CLGN: variants seen among roughly 807,000 people sequenced by gnomAD.
CLGN encodes the protein testis tissue sperm-binding protein Li 79P.
In CLGN, 62 loss-of-function variants were observed where a neutral mutation model predicts 79.1. That is an observed-to-expected ratio of 0.78 (90% CI 0.64 to 0.97). The LOEUF is 0.97. CLGN is among the 50% of genes least tolerant of loss of function. The pLI, the probability that CLGN is intolerant of heterozygous loss-of-function variation, is 0.00. For synonymous variants in CLGN, 225 were observed against 224.7 expected, an observed-to-expected ratio of 1.00 and a Z score of -0.01; for missense variants, 647 against 715.5, an observed-to-expected ratio of 0.90 and a Z score of 1.09.
Position 140,399,003 on chromosome 4 carries a change from A to G in CLGN, c.732T>C (p.Asp244=). The change falls in exon 8 of 15, where the codon GAT becomes GAC. Residue 244 remains aspartate (D), a synonymous_variant. Transcript: ENST00000325617. ...GGCTTCCTTTGTTTACAACTGTTTG[A>G]TCAACTAACACCTCAAATGTGTCAT... ...NPDDTFEVLV[D]QTVVNKGSLL... is the part of the protein sequence containing the mutation. 1 of 1,613,732 alleles carries G rather than the reference A, an allele frequency of 6.2e-7. No individual in the cohort carries two copies. Among genetic ancestry groups the G allele is most frequent in the Non-Finnish European group, 8.5e-7 (1 of 1,179,860 alleles).
intron 5 of CLGN, among the ~76,000 whole-genome samples, chr4:140,403,374 G>C (rs1158250951): frequency 6.6e-6 from 1 of 152,126 alleles, no homozygotes; most frequent in African/African-American, 2.4e-5. Context: ...TGCTCAAAAT[G>C]CTTCTATGAT....
chr4:140,405,953 G>C lies in CLGN; in HGVS notation c.408C>G (p.Pro136=). 6.2e-7 allele frequency: 1 copy of C among 1,610,392 alleles called. No individual in the cohort carries two copies. The highest frequency in any genetic ancestry group is 8.5e-7 in the Non-Finnish European group (1 of 1,179,022). Residue 136 remains proline (P), a synonymous_variant, in exon 5 of 15, where the codon CCC becomes CCG. Coordinates refer to ENST00000325617, the MANE Select transcript of CLGN (RefSeq NM_004362.3). ...LAKPFIFADK[P]LIVQYEVNFQ... is the part of the protein sequence containing the mutation. The stretch of plus-strand genomic sequence containing the variant: ...ATAGCAACACTTACTGAACTATCAA[G>C]GGTTTATCAGCAAAAATGAATGGTT...
Position 140,393,945 on chromosome 4 carries a change from A to G in CLGN, c.1246T>C (p.Trp416Arg). 1 of 1,613,794 alleles carries G rather than the reference A, an allele frequency of 6.2e-7. No individual in the cohort carries two copies. Among genetic ancestry groups the G allele is most frequent in the Non-Finnish European group, 8.5e-7 (1 of 1,179,780 alleles). The change falls in exon 11 of 15, where the codon TGG (tryptophan) becomes CGG (arginine). Residue 416 changes from tryptophan to arginine, a missense_variant. Trp to Arg is a moderately radical substitution (Grantham distance 101, BLOSUM62 -3). Transcript: ENST00000325617. ...TSFSALGLEL[W>R]SMTSDIYFDN... ...AAGTAGATATCAGAGGTCATAGACC[A>G]AAGCTCTAAACCAAGAGCACTGAAA... is the stretch of plus-strand genomic sequence containing the variant.
intron 1 of CLGN, among the ~76,000 whole-genome samples, chr4:140,419,133 C>T (rs942931021): frequency 6.6e-6 from 1 of 151,744 alleles, no homozygotes; most frequent in Admixed American, 6.6e-5. Flanking sequence ...TATTCTCACT[C>T]ATAGGTGGGA....
At chr4:140,389,805 TAAC>T (rs1164714006) in intron 14 of CLGN, among the ~76,000 whole-genome samples, 1 of 151,794 alleles carries the variant, frequency 6.6e-6, no homozygotes, top group Non-Finnish European at 1.5e-5. Context: ...AGGAAAGACT[TAAC>T]AATAATTGCA....
In CLGN at chr4:140,396,174, A is replaced by T. The variant is rs1229903538; in HGVS notation, c.916T>A (p.Ser306Thr). Residue 306 changes from serine to threonine, a missense_variant, in exon 9 of 15, where the codon TCA (serine) becomes ACA (threonine). Ser to Thr is a moderately conservative substitution (Grantham distance 58). Transcript: ENST00000325617. ...DESEPAQIED[S>T]SVVKPAGWLD... ...CAGCCAGCAGGTTTAACAACACTTG[A>T]ATCTTCTATTTGGGCAGGTTCACTT... 6.2e-7 allele frequency: 1 copy of T among 1,614,012 alleles called. No individual in the cohort carries two copies. The highest frequency in any genetic ancestry group is 1.3e-5 in the African/African-American group (1 of 74,920).
intron 6 of CLGN, among the ~76,000 whole-genome samples, 167 bp from the exon 7 acceptor site, chr4:140,400,716 A>G (rs1728983859): frequency 6.6e-6 from 1 of 152,108 alleles, no homozygotes; most frequent in Non-Finnish European, 1.5e-5. Context: ...AAAATGACAA[A>G]TTTTACTTCA....
At chr4:140,391,293 G>GTAT (rs1220390437) in intron 13 of CLGN, among the ~76,000 whole-genome samples, 7 of 151,680 alleles carry the variant, frequency 4.6e-5, no homozygotes, top group African/African-American at 7.2e-5. Context: ...GTTCCAATGT[G>GTAT]GGACTACGTG....
At chr4:140,397,887 G>A (rs1455586820) in intron 8 of CLGN, among the ~76,000 whole-genome samples, 30 of 152,180 alleles carry the variant, frequency 2.0e-4, no homozygotes, top group Admixed American at 2.0e-3. Context: ...CTGGGTGACA[G>A]AGCGAGATTC....
At chr4:140,404,800 G>C (rs1021799461) in intron 5 of CLGN, among the ~76,000 whole-genome samples, 2 of 151,914 alleles carry the variant, frequency 1.3e-5, no homozygotes, top group African/African-American at 4.8e-5. Context: ...GACTACAGTC[G>C]GGCACCACCA....
chr4:140,394,111 C>T (rs186160583), intron 10 of CLGN, 70 bp from the exon 11 acceptor site: 14 of 1,097,924 alleles, frequency 1.3e-5, no homozygotes, highest in Non-Finnish European at 1.3e-6. Flanking sequence ...TAATAAGTAG[C>T]TGCTGTTGAA....
At chr4:140,409,750 CA>C in intron 4 of CLGN, 86 bp downstream of exon 4, 1 of 779,550 alleles carries the variant, frequency 1.3e-6, no homozygotes, top group East Asian at 2.9e-5. Flanking sequence ...GGACTCCAGC[CA>C]ACACAATTTA....
chr4:140,418,397 C>T (rs1178936223), intron 1 of CLGN, among the ~76,000 whole-genome samples: 6 of 148,242 alleles, frequency 4.0e-5, no homozygotes, highest in African/African-American at 1.3e-4. Flanking sequence ...AAAGAAACTA[C>T]CATCAGAGTG....
chr4:140,409,932 C>T, intron 3 of CLGN, 37 bp from the exon 4 acceptor site: 1 of 1,412,104 alleles, frequency 7.1e-7, no homozygotes, highest in Non-Finnish European at 9.9e-7. Context: ...ATGTCATTGA[C>T]AATAAAAGCA....
intron 7 of CLGN, among the ~76,000 whole-genome samples, chr4:140,399,611 T>C (rs1407479231): frequency 1.3e-5 from 2 of 152,182 alleles, no homozygotes; most frequent in Non-Finnish European, 2.9e-5. Context: ...GGGAAAAAGA[T>C]TGAAATACTT....
chr4:140,397,773 G>A (rs546405841), intron 8 of CLGN, among the ~76,000 whole-genome samples: 18 of 151,940 alleles, frequency 1.2e-4, no homozygotes, highest in Non-Finnish European at 2.4e-4. Flanking sequence ...GCGTGGTGGC[G>A]CTTGCCTGTA....
chr4:140,409,430 T>C (rs1329228597), intron 4 of CLGN, among the ~76,000 whole-genome samples: 2 of 152,050 alleles, frequency 1.3e-5, no homozygotes, highest in Admixed American at 1.3e-4. Context: ...ACATATCTTG[T>C]AGCTCTCATT....
chr4:140,420,154 T>C (rs1729436151), intron 1 of CLGN, among the ~76,000 whole-genome samples: 1 of 152,144 alleles, frequency 6.6e-6, no homozygotes, highest in Non-Finnish European at 1.5e-5. Context: ...AGTGCTTTGT[T>C]TGAACTCTGG....
intron 4 of CLGN, among the ~76,000 whole-genome samples, chr4:140,407,845 A>T (rs1578601227): frequency 6.6e-6 from 1 of 152,246 alleles, no homozygotes; most frequent in Non-Finnish European, 1.5e-5. Context: ...CCAAAAGTTC[A>T]TATGGAACCA....
Sources: allele counts gnomAD v4.1 joint callset (sites outside exome capture counted in the v4.1 genomes callset), GRCh38; gene constraint gnomAD v4.1.1; transcripts MANE v1.5; gene names NCBI Gene and HGNC (gene_info 2026-07-23, HGNC 2026-07-21).